AMMECR1: variants seen among roughly 807,000 people sequenced by gnomAD.
AMMECR1 encodes the protein AMMECR nuclear protein 1.
AMMECR1 carries 3 observed loss-of-function variants against 22.5 expected under a neutral mutation model. That is an observed-to-expected ratio of 0.13 (90% CI 0.06 to 0.35). The LOEUF (loss-of-function observed/expected upper bound fraction) is 0.35. Among genes scored for constraint, AMMECR1 ranks in the 10% least tolerant of loss-of-function variants. The pLI is 1.00. For missense variants in AMMECR1, 235 were observed against 278.7 expected, an observed-to-expected ratio of 0.84 and a Z score of 1.12; for synonymous variants, 130 against 116.7, an observed-to-expected ratio of 1.11 and a Z score of -0.74.
At chrX:110,205,413 T>C (rs1049755718) in intron 3 of AMMECR1, among the ~76,000 whole-genome samples, 1 of 112,065 alleles carries the variant, frequency 8.9e-6, no homozygotes, top group Non-Finnish European at 1.9e-5. Context: ...CTTATACATA[T>C]TGGAGAATCC....
intron 2 of AMMECR1, among the ~76,000 whole-genome samples, chrX:110,378,031 A>AAAAAAAAAAAC (rs1481955905): frequency 9.3e-6 from 1 of 107,573 alleles, no homozygotes; most frequent in African/African-American, 3.4e-5. Flanking sequence ...AAAAAAAAAA[A>AAAAAAAAAAAC]ATATCTACCT....
At chrX:110,420,045 C>A (rs1420770432) in intron 2 of AMMECR1, among the ~76,000 whole-genome samples, 2 of 111,411 alleles carry the variant, frequency 1.8e-5, no homozygotes, top group African/African-American at 6.5e-5. Flanking sequence ...AGAGACAGAA[C>A]CAAAAGTTGA....
At chrX:110,321,462 C>T (rs2068078779), upstream of AMMECR1, among the ~76,000 whole-genome samples, 1 of 111,066 alleles carries the variant, frequency 9.0e-6, no homozygotes, top group Admixed American at 9.5e-5. Flanking sequence ...TTAACTAACT[C>T]CTGTCAAAGG....
At chrX:110,298,678 G>A (rs2067950126) in intron 1 of AMMECR1, among the ~76,000 whole-genome samples, 1 of 111,447 alleles carries the variant, frequency 9.0e-6, no homozygotes, top group South Asian at 3.8e-4. Flanking sequence ...CAATCACAAT[G>A]AATAAAACAC....
chrX:110,219,320 T>C, intron 2 of AMMECR1: 1 of 744,915 alleles, frequency 1.3e-6, no homozygotes, highest in Non-Finnish European at 1.6e-6. Context: ...TTTGACCTTT[T>C]GAATATAGTG....
intron 2 of AMMECR1, among the ~76,000 whole-genome samples, chrX:110,373,426 C>G (rs988606014): frequency 2.5e-4 from 28 of 111,896 alleles, no homozygotes; most frequent in African/African-American, 8.4e-4. Flanking sequence ...CAATGAAACT[C>G]TAGCAGAGGC....
intron 2 of AMMECR1, among the ~76,000 whole-genome samples, chrX:110,245,027 A>AT (rs1044085660): frequency 4.5e-5 from 5 of 111,904 alleles, no homozygotes; most frequent in African/African-American, 1.6e-4. Flanking sequence ...CAAAGGCCAT[A>AT]TTTTTTTAAA....
chrX:110,246,943 A>T (rs1258592346), intron 2 of AMMECR1, among the ~76,000 whole-genome samples: 1 of 112,323 alleles, frequency 8.9e-6, no homozygotes, highest in Non-Finnish European at 1.9e-5. Flanking sequence ...CAACTCTAAC[A>T]TTCAGCTACT....
chrX:110,231,492 T>C lies in AMMECR1; in HGVS notation c.585-14860A>G, dbSNP rs1247562552. 1.8e-5 allele frequency among the ~76,000 whole-genome samples: 2 copies of C among 111,159 alleles called. 1 individual carries two copies. The highest frequency in any genetic ancestry group is 5.7e-4 in the East Asian group (2 of 3,522). On this transcript the variant is annotated intron_variant, in intron 2 of 5. Coordinates refer to ENST00000262844, the MANE Select transcript of AMMECR1 (RefSeq NM_015365.3). ...ACAGATTTTGTCACCACCAGGCCTG[T>C]CTTACAAGAGCTCCTGAAGGAAGCA... is the stretch of plus-strand genomic sequence containing the variant.
At chrX:110,425,065 A>C (rs1001649682) in intron 2 of AMMECR1, among the ~76,000 whole-genome samples, 4 of 111,843 alleles carry the variant, frequency 3.6e-5, no homozygotes, top group African/African-American at 1.3e-4. Flanking sequence ...ATCCTCTTAT[A>C]ATCACTGAGT....
chrX:110,293,823 C>T (rs946279466), intron 1 of AMMECR1, among the ~76,000 whole-genome samples: 1 of 111,433 alleles, frequency 9.0e-6, no homozygotes, highest in African/African-American at 3.3e-5. Context: ...AACCCAATGA[C>T]TCATCAGACA....
At chrX:110,238,143 T>A (rs2067611177) in intron 2 of AMMECR1, among the ~76,000 whole-genome samples, 1 of 112,128 alleles carries the variant, frequency 8.9e-6, no homozygotes, top group Non-Finnish European at 1.9e-5. Context: ...TAGCCCATTC[T>A]GAGTTATTGT....
intron 2 of AMMECR1, among the ~76,000 whole-genome samples, chrX:110,246,049 G>T (rs2148189134): frequency 8.9e-6 from 1 of 112,264 alleles, no homozygotes; most frequent in East Asian, 2.8e-4. Context: ...TAATATATAG[G>T]ATGTTAAATA....
At chrX:110,353,132 T>C (rs1231090327) in intron 2 of AMMECR1, among the ~76,000 whole-genome samples, 1 of 112,042 alleles carries the variant, frequency 8.9e-6, no homozygotes, top group African/African-American at 3.2e-5. Context: ...TCTTATGATA[T>C]TTTGTATTTC....
chrX:110,320,921 TCTC>T (rs1412808359), upstream of AMMECR1, among the ~76,000 whole-genome samples: 2 of 112,081 alleles, frequency 1.8e-5, no homozygotes, highest in African/African-American at 6.5e-5. Flanking sequence ...TGTGTTAACT[TCTC>T]CTGAGCCTGG....
chrX:110,298,219 C>G (rs1444514652), intron 1 of AMMECR1, among the ~76,000 whole-genome samples: 2 of 110,766 alleles, frequency 1.8e-5, no homozygotes, highest in Non-Finnish European at 3.8e-5. Flanking sequence ...TTTCTTTGAT[C>G]AAATAAGAAA....
chrX:110,418,479 T>C (rs1055951707), intron 2 of AMMECR1, among the ~76,000 whole-genome samples: 15 of 111,988 alleles, frequency 1.3e-4, no homozygotes, highest in Admixed American at 5.6e-4. Context: ...GCAGCTAGCA[T>C]AGGCAGTTAG....
At chrX:110,344,724 GC>G (rs1292339936) in intron 2 of AMMECR1, among the ~76,000 whole-genome samples, 1 of 111,630 alleles carries the variant, frequency 9.0e-6, no homozygotes, top group Non-Finnish European at 1.9e-5. Flanking sequence ...CATTTATGCA[GC>G]CAACAGACAC....
intron 2 of AMMECR1, among the ~76,000 whole-genome samples, chrX:110,231,009 C>T (rs1206367433): frequency 8.9e-6 from 1 of 111,748 alleles, no homozygotes; most frequent in Non-Finnish European, 1.9e-5. Context: ...AACAAAGCCT[C>T]CAAGAAATAT....
Sources: allele counts gnomAD v4.1 joint callset (sites outside exome capture counted in the v4.1 genomes callset), GRCh38; gene constraint gnomAD v4.1.1; transcripts MANE v1.5; gene names NCBI Gene and HGNC (gene_info 2026-07-23, HGNC 2026-07-21).